ALPK1: variants seen among roughly 807,000 people sequenced by gnomAD.
ALPK1 encodes the protein alpha kinase 1, also known as alpha-protein kinase 1.
In ALPK1, 110 loss-of-function variants were observed where a neutral mutation model predicts 120.6. The observed-to-expected ratio is 0.91, with a 90% confidence interval of 0.78 to 1.07. The LOEUF is 1.07. ALPK1 is among the 50% of genes least tolerant of loss of function. The probability of loss-of-function intolerance (pLI) is 0.00; values close to 1 mark genes in which losing one functional copy is unlikely to be tolerated. For missense variants in ALPK1, 1,498 were observed against 1,483.9 expected (o/e 1.01, Z -0.16); for synonymous variants, 582 against 560.3 (o/e 1.04, Z -0.55).
Position 112,432,286 on chromosome 4 carries a change from G to A in ALPK1, c.2739G>A (p.Gln913=). ...GCACTACCACAGAGGAAGGAAATCA[G>A]CCTGGAAACATGCTAAACTGCAGCC... ...EDCTTTEEGN[Q]PGNMLNCSQN... is the part of the protein sequence containing the mutation. The change falls in exon 11 of 16, where the codon CAG becomes CAA. Residue 913 remains glutamine (Q), a synonymous_variant. Coordinates refer to ENST00000650871, the MANE Select transcript of ALPK1 (RefSeq NM_025144.4). 1.9e-6 allele frequency: 3 copies of A among 1,614,218 alleles called. No individual in the cohort carries two copies. The highest frequency in any genetic ancestry group is 2.2e-5 in the East Asian group (1 of 44,888).
At chr4:112,306,384 T>C (rs1395392502) in intron 1 of ALPK1, among the ~76,000 whole-genome samples, 5 of 152,100 alleles carry the variant, frequency 3.3e-5, no homozygotes, top group Admixed American at 2.6e-4. Flanking sequence ...GGTCCTGGAC[T>C]CTTTTTGGTT....
chr4:112,350,772 G>T (rs1432428829), intron 2 of ALPK1, among the ~76,000 whole-genome samples: 1 of 152,110 alleles, frequency 6.6e-6, no homozygotes, highest in Non-Finnish European at 1.5e-5. Context: ...TCTTTACCTA[G>T]AATATAGGTG....
intron 5 of ALPK1, among the ~76,000 whole-genome samples, chr4:112,420,886 G>C (rs542412732): frequency 6.6e-6 from 1 of 152,298 alleles, no homozygotes; most frequent in Admixed American, 6.5e-5. Context: ...AGGCTGGAGT[G>C]CAATGGTGTG....
At chr4:112,301,813 T>G (rs1245972929) in intron 1 of ALPK1, among the ~76,000 whole-genome samples, 5 of 152,280 alleles carry the variant, frequency 3.3e-5, no homozygotes, top group African/African-American at 1.2e-4. Context: ...GTGATGTGAT[T>G]GTGATCACGG....
At chr4:112,356,007 C>A in intron 2 of ALPK1, 1 of 660,824 alleles carries the variant, frequency 1.5e-6, no homozygotes, top group Non-Finnish European at 2.8e-6. Context: ...CGTTGTGTCC[C>A]AGTGTGCATG....
chr4:112,424,252 A>G (rs923627156), intron 6 of ALPK1, among the ~76,000 whole-genome samples: 1 of 152,114 alleles, frequency 6.6e-6, no homozygotes, highest in Non-Finnish European at 1.5e-5. Flanking sequence ...TTCCTTACAG[A>G]GTATGCTATC....
chr4:112,356,727 G>T, intron 2 of ALPK1: 1 of 947,532 alleles, frequency 1.1e-6, no homozygotes, highest in Non-Finnish European at 1.7e-6. Flanking sequence ...TTGGTCAAGA[G>T]GGGAAGCAAG....
chr4:112,440,776 A>C, intron 14 of ALPK1, 141 bp from the exon 15 acceptor site: 1 of 1,368,746 alleles, frequency 7.3e-7, no homozygotes, highest in Non-Finnish European at 9.4e-7. Context: ...CTAACTATAA[A>C]CCACAGGATG....
At chr4:112,319,561 T>G (rs1406477663) in intron 2 of ALPK1, among the ~76,000 whole-genome samples, 1 of 152,206 alleles carries the variant, frequency 6.6e-6, no homozygotes, top group Non-Finnish European at 1.5e-5. Flanking sequence ...TTAGAATTAT[T>G]TTTTCTAATT....
At position 112,329,105 on chromosome 4, in the gene ALPK1, G is replaced by A. The variant is rs191387018; in HGVS notation, c.-101+13253G>A. On this transcript the variant is annotated intron_variant, in intron 2 of 15. Transcript: ENST00000650871. ...TCACATTGTGAAGCACTGGCATATA[G>A]TAGGTACCTATGAAAATGTTGAATG... Among the ~76,000 whole-genome samples the A allele has an allele frequency of 2.8e-4, 43 of 152,234 alleles. No homozygotes were observed. The East Asian group carries it at 8.1e-3, about 29-fold the overall frequency.
Position 112,385,495 on chromosome 4 carries a change from T to C in ALPK1, c.276+2943T>C, listed in dbSNP as rs182193191. On this transcript the variant is annotated intron_variant, in intron 4 of 15. Transcript: ENST00000650871. ...TTTTTGAACTCTGAGCATCATTTTC[T>C]TTAGCTTGCCCAGCAAGCTATAAAT... 1.4e-3 allele frequency among the ~76,000 whole-genome samples: 219 copies of C among 152,334 alleles called. 2 individuals are homozygous for C. The highest frequency in any genetic ancestry group is 2.3e-3 in the Admixed American group (35 of 15,302).
intron 4 of ALPK1, among the ~76,000 whole-genome samples, chr4:112,402,750 T>G (rs1732977163): frequency 1.3e-5 from 2 of 152,224 alleles, no homozygotes; most frequent in Non-Finnish European, 2.9e-5. Flanking sequence ...ATTTGGTTGC[T>G]ATTTGGACAA....
chr4:112,320,897 CTTT>C (rs397941407), intron 2 of ALPK1, among the ~76,000 whole-genome samples: 2 of 123,588 alleles, frequency 1.6e-5, no homozygotes, highest in East Asian at 2.4e-4. Context: ...CCATTTCTTT[CTTT>C]TTTTTTTTTT....
chr4:112,408,920 G>A (rs1227606572), intron 4 of ALPK1, among the ~76,000 whole-genome samples: 1 of 152,124 alleles, frequency 6.6e-6, no homozygotes, highest in Admixed American at 6.5e-5. Context: ...CACATAAAAG[G>A]GGATGTGTAT....
intron 1 of ALPK1, among the ~76,000 whole-genome samples, chr4:112,300,700 A>AT (rs1363438251): frequency 1.3e-5 from 2 of 151,442 alleles, no homozygotes; most frequent in Non-Finnish European, 2.9e-5. Context: ...TGGCTTAAAG[A>AT]TAAAAAAAAA....
chr4:112,321,206 C>T lies in ALPK1; in HGVS notation c.-101+5354C>T, dbSNP rs558610276. Among the ~76,000 whole-genome samples, 3 of 151,976 alleles carry T rather than the reference C, an allele frequency of 2.0e-5. No individual in the cohort carries two copies. The East Asian group carries it at 5.8e-4, about 29-fold the overall frequency. On this transcript the variant is annotated intron_variant, in intron 2 of 15. Transcript: ENST00000650871. ...GCCACCGAGCCCAGCCAATATCACC[C>T]GTTTCTTTTCTAATTGAGCTTACTT...
At position 112,432,293 on chromosome 4, in the gene ALPK1, A is replaced by G. The variant is rs2074381; in HGVS notation, c.2746A>G (p.Asn916Asp). 3.9e-3 allele frequency: 6,373 copies of G among 1,614,202 alleles called. 163 individuals are homozygous for G. The East Asian group carries it at 0.071, about 18-fold the overall frequency. Reference protein sequence around the residue: ...TTTEEGNQPGNMLNCSQNSSS... With the variant: ...TTTEEGNQPGDMLNCSQNSSS... ...CACAGAGGAAGGAAATCAGCCTGGA[A>G]ACATGCTAAACTGCAGCCAGAACTC... The change falls in exon 11 of 16, where the codon AAC becomes GAC. Residue 916 changes from asparagine (N) to aspartate (D), a missense_variant. By Grantham distance (23) the Asn-to-Asp change is conservative (BLOSUM62 1). Coordinates refer to ENST00000650871, the MANE Select transcript of ALPK1 (RefSeq NM_025144.4).
At chr4:112,409,281 G>C (rs1236747734) in intron 4 of ALPK1, among the ~76,000 whole-genome samples, 1 of 152,084 alleles carries the variant, frequency 6.6e-6, no homozygotes, top group Non-Finnish European at 1.5e-5. Context: ...AAAGACAGGG[G>C]CTGTGGGCAC....
chr4:112,425,504 CT>C, intron 6 of ALPK1, 160 bp from the exon 7 acceptor site: 1 of 568,120 alleles, frequency 1.8e-6, no homozygotes, highest in Non-Finnish European at 3.2e-6. Context: ...CCTGCAGAGC[CT>C]TAGACTACAG....
Sources: allele counts gnomAD v4.1 joint callset (sites outside exome capture counted in the v4.1 genomes callset), GRCh38; gene constraint gnomAD v4.1.1; transcripts MANE v1.5; gene names NCBI Gene and HGNC (gene_info 2026-07-23, HGNC 2026-07-21).